Variants in FAF1 observed in about 807,000 individuals in gnomAD.
FAF1 encodes the protein Fas associated factor 1, also known as FAS-associated factor 1.
In FAF1, 25 loss-of-function variants were observed where a neutral mutation model predicts 92.5. That is an observed-to-expected ratio of 0.27 (90% CI 0.20 to 0.38). The LOEUF (loss-of-function observed/expected upper bound fraction) is 0.38, where lower values mean the gene tolerates loss of function less well. Ranked by LOEUF, FAF1 falls within the 10% of genes least tolerant of loss-of-function variation. The pLI, the probability that FAF1 is intolerant of heterozygous loss-of-function variation, is 1.00. For missense variants in FAF1, 636 were observed against 793.3 expected (o/e 0.80, Z 2.38); for synonymous variants, 234 against 273.2 (o/e 0.86, Z 1.42).
At chr1:50,726,255 C>CA (rs1284308941) in intron 6 of FAF1, among the ~76,000 whole-genome samples, 5 of 151,292 alleles carry the variant, frequency 3.3e-5, no homozygotes, top group African/African-American at 9.7e-5. Context: ...GACTCAATCT[C>CA]AAAAAAATAA....
chr1:50,698,285 T>C (rs1657318350), intron 7 of FAF1, among the ~76,000 whole-genome samples: 1 of 152,120 alleles, frequency 6.6e-6, no homozygotes, highest in Admixed American at 6.5e-5. Flanking sequence ...ACCACATCTA[T>C]GAAGAAATTA....
intron 7 of FAF1, among the ~76,000 whole-genome samples, chr1:50,670,723 G>C (rs1218420677): frequency 6.6e-6 from 1 of 152,078 alleles, no homozygotes; most frequent in East Asian, 1.9e-4. Flanking sequence ...CTTGAGTTTA[G>C]GAGTTCCAGA....
intron 3 of FAF1, among the ~76,000 whole-genome samples, chr1:50,788,773 A>G (rs1661454193): frequency 6.6e-6 from 1 of 152,162 alleles, no homozygotes; most frequent in South Asian, 2.1e-4. Flanking sequence ...TCTCTTTCTC[A>G]CTTCCTATAA....
intron 6 of FAF1, among the ~76,000 whole-genome samples, chr1:50,726,785 C>T (rs1214538779): frequency 5.9e-5 from 9 of 151,992 alleles, no homozygotes; most frequent in African/African-American, 1.2e-4. Flanking sequence ...GCTGAGATCA[C>T]GCCACTGCAC....
At chr1:50,558,358 G>A (rs1649699776) in intron 13 of FAF1, among the ~76,000 whole-genome samples, 1 of 152,014 alleles carries the variant, frequency 6.6e-6, no homozygotes, top group Non-Finnish European at 1.5e-5. Flanking sequence ...GTAACTATTT[G>A]CATATAACTA....
At chr1:50,744,550 C>A in intron 5 of FAF1, 134 bp downstream of exon 5, 1 of 635,044 alleles carries the variant, frequency 1.6e-6, no homozygotes, top group South Asian at 1.9e-5. Context: ...CTTGCTGATT[C>A]CTTAAACTAA....
intron 13 of FAF1, among the ~76,000 whole-genome samples, chr1:50,561,848 CGGAAGGAAGGAAGGAAGGAAGGAA>C (rs373578502): frequency 4.7e-5 from 6 of 128,548 alleles, no homozygotes; most frequent in South Asian, 2.6e-4. Flanking sequence ...GACGGATGGA[CGGAAGGAAGGAAGGAAGGAAGGAA>C]GGAAGGAAGG....
intron 9 of FAF1, 41 bp from the exon 10 acceptor site, chr1:50,584,852 G>T (rs373303991): frequency 9.3e-5 from 148 of 1,593,496 alleles, no homozygotes; most frequent in Non-Finnish European, 1.2e-4. Flanking sequence ...ATTGATTTTG[G>T]CCTATCAAAT....
At chr1:50,882,650 GTGTA>G (rs1192088987) in intron 1 of FAF1, among the ~76,000 whole-genome samples, 7 of 143,776 alleles carry the variant, frequency 4.9e-5, no homozygotes, top group Admixed American at 1.4e-4. Flanking sequence ...ATAAATAAAT[GTGTA>G]TGTATGTATG....
intron 1 of FAF1, among the ~76,000 whole-genome samples, chr1:50,881,715 A>G (rs946503154): frequency 2.6e-5 from 4 of 152,192 alleles, no homozygotes; most frequent in Non-Finnish European, 5.9e-5. Context: ...CAAGCTTATC[A>G]CTGTTATCTC....
At chr1:50,716,442 G>A (rs142017278) in intron 6 of FAF1, among the ~76,000 whole-genome samples, 88 of 152,306 alleles carry the variant, frequency 5.8e-4, no homozygotes, top group Middle Eastern at 3.4e-3. Flanking sequence ...TTCATACTGA[G>A]AGGTGAAGCC....
At chr1:50,872,335 G>A (rs895397982) in intron 1 of FAF1, among the ~76,000 whole-genome samples, 1 of 152,194 alleles carries the variant, frequency 6.6e-6, no homozygotes, top group Non-Finnish European at 1.5e-5. Context: ...AAGACAGCAA[G>A]ATAACTAGAA....
At chr1:50,670,343 C>T (rs1655818230) in intron 7 of FAF1, among the ~76,000 whole-genome samples, 1 of 151,912 alleles carries the variant, frequency 6.6e-6, no homozygotes, top group South Asian at 2.1e-4. Flanking sequence ...CTACCTGCAC[C>T]TCCCAAAGTG....
intron 2 of FAF1, among the ~76,000 whole-genome samples, chr1:50,814,665 T>A (rs1192079525): frequency 2.6e-5 from 4 of 152,108 alleles, no homozygotes; most frequent in African/African-American, 9.7e-5. Context: ...CAACCTTATT[T>A]AAAAAATGGG....
intron 18 of FAF1, chr1:50,462,308 A>T (rs2148989612): frequency 6.6e-6 from 1 of 152,188 alleles, no homozygotes; most frequent in Admixed American, 6.6e-5. Context: ...CATGCCTCTG[A>T]AGCAGGTATT....
intron 4 of FAF1, among the ~76,000 whole-genome samples, chr1:50,782,913 T>C (rs1661230647): frequency 6.6e-6 from 1 of 152,064 alleles, no homozygotes; most frequent in Non-Finnish European, 1.5e-5. Flanking sequence ...AAGCATCCCA[T>C]TAAGGTGTTA....
intron 8 of FAF1, among the ~76,000 whole-genome samples, chr1:50,637,679 A>ATG (rs764058700): frequency 1.3e-4 from 13 of 101,812 alleles, no homozygotes; most frequent in African/African-American, 4.5e-4. Context: ...ACACATATAT[A>ATG]TATGTGTGTG....
intron 15 of FAF1, among the ~76,000 whole-genome samples, chr1:50,534,560 C>T (rs573785304): frequency 6.6e-6 from 1 of 152,266 alleles, no homozygotes; most frequent in South Asian, 2.1e-4. Context: ...AGGTGTGAGC[C>T]CCTGTGCCCA....
At chr1:50,669,619 A>T (rs912661695) in intron 7 of FAF1, among the ~76,000 whole-genome samples, 4 of 152,266 alleles carry the variant, frequency 2.6e-5, no homozygotes, top group African/African-American at 9.6e-5. Context: ...TCTAGGACAT[A>T]TGAAACTGCA....
Sources: gnomAD v4.1 joint callset for allele counts (sites outside exome capture counted in the v4.1 genomes callset) on GRCh38, gnomAD v4.1.1 for gene constraint, MANE v1.5 for transcripts, NCBI Gene and HGNC (gene_info 2026-07-23, HGNC 2026-07-21) for gene names.